Variants in CSMD1 observed in about 807,000 individuals in gnomAD.
CSMD1 encodes the protein CUB and sushi domain-containing protein 1.
CSMD1 carries 213 observed loss-of-function variants against 417.5 expected under a neutral mutation model. That is an observed-to-expected ratio of 0.51 (90% CI 0.46 to 0.57). The LOEUF is 0.57. Ranked by LOEUF, CSMD1 falls within the 20% of genes least tolerant of loss-of-function variation. CSMD1 has a pLI of 0.00. For synonymous variants in CSMD1, 2,862 were observed against 1,736.8 expected (o/e 1.65, Z -16.11); for missense variants, 6,923 against 4,529.7 (o/e 1.53, Z -15.17).
intron 54 of CSMD1, among the ~76,000 whole-genome samples, chr8:2,993,474 A>C (rs1480493438): frequency 6.6e-6 from 1 of 152,222 alleles, no homozygotes; most frequent in Non-Finnish European, 1.5e-5. Context: ...AGGCAGAGGC[A>C]AAGCACAGCC....
At chr8:4,846,797 G>A (rs768957478) in intron 1 of CSMD1, among the ~76,000 whole-genome samples, 9 of 152,142 alleles carry the variant, frequency 5.9e-5, no homozygotes, top group Non-Finnish European at 8.8e-5. Context: ...AAATTAGACA[G>A]CAAATGTGTT....
At chr8:3,628,614 G>T (rs1056734236) in intron 7 of CSMD1, among the ~76,000 whole-genome samples, 4 of 152,154 alleles carry the variant, frequency 2.6e-5, no homozygotes, top group African/African-American at 9.7e-5. Context: ...GGAAGAGGGA[G>T]TGTCTCAGAG....
intron 26 of CSMD1, among the ~76,000 whole-genome samples, chr8:3,280,312 C>T (rs1802633492): frequency 2.0e-5 from 3 of 152,146 alleles, no homozygotes; most frequent in Admixed American, 2.0e-4. Flanking sequence ...ATCCTCATTT[C>T]ATAAATAAAG....
intron 50 of CSMD1, among the ~76,000 whole-genome samples, chr8:3,034,617 A>C (rs2128979660): frequency 6.6e-6 from 1 of 152,310 alleles, no homozygotes; most frequent in East Asian, 1.9e-4. Flanking sequence ...CATAAATGCA[A>C]AAGGTTATAA....
At chr8:4,193,548 A>C (rs1799158483) in intron 3 of CSMD1, among the ~76,000 whole-genome samples, 1 of 152,100 alleles carries the variant, frequency 6.6e-6, no homozygotes, top group Admixed American at 6.5e-5. Context: ...GGTCTGAGTC[A>C]CAAGAGGCTG....
intron 3 of CSMD1, among the ~76,000 whole-genome samples, chr8:4,097,571 G>C (rs564986547): frequency 3.3e-5 from 5 of 152,298 alleles, no homozygotes; most frequent in African/African-American, 1.2e-4. Context: ...ACTCAGTGCA[G>C]TATGATTCTA....
chr8:3,299,854 C>T (rs1036811291), intron 25 of CSMD1, among the ~76,000 whole-genome samples: 3 of 152,144 alleles, frequency 2.0e-5, no homozygotes, highest in Non-Finnish European at 2.9e-5. Context: ...TGTCCAGTTT[C>T]AGAGAGAATG....
At chr8:3,129,727 G>A (rs1205368864) in intron 41 of CSMD1, among the ~76,000 whole-genome samples, 1 of 151,970 alleles carries the variant, frequency 6.6e-6, no homozygotes, top group African/African-American at 2.4e-5. Flanking sequence ...GGTGGCTCAT[G>A]TTTGTAATCC....
At position 3,367,241 on chromosome 8, in the gene CSMD1, T is replaced by C; in HGVS notation, c.2906A>G (p.Gln969Arg). 1 of 1,609,404 alleles carries C rather than the reference T, an allele frequency of 6.2e-7. No individual in the cohort carries two copies. Among genetic ancestry groups the C allele is most frequent in the Non-Finnish European group, 8.5e-7 (1 of 1,177,570 alleles). ...TIEVSHGKGV[Q>R]MIFHTFHLES... The stretch of plus-strand genomic sequence containing the variant: ...AAGATGAAAGGTGTGAAAGATCATT[T>C]GAACTCCTGAGAAATGAAGCCGGGG... The change falls in exon 20 of 70, where the codon CAA (glutamine) becomes CGA (arginine). Residue 969 changes from glutamine to arginine, a missense_variant. Physicochemically the swap from Gln to Arg is conservative, Grantham distance 43 (BLOSUM62 1). Transcript: ENST00000635120.
At chr8:3,848,806 G>A (rs954500105) in intron 5 of CSMD1, among the ~76,000 whole-genome samples, 7 of 151,798 alleles carry the variant, frequency 4.6e-5, no homozygotes, top group Admixed American at 1.3e-4. Context: ...GATTAGCAGC[G>A]ATTTTAAAGA....
At chr8:4,200,775 T>C (rs1799600583) in intron 3 of CSMD1, among the ~76,000 whole-genome samples, 1 of 152,140 alleles carries the variant, frequency 6.6e-6, no homozygotes, top group Non-Finnish European at 1.5e-5. Context: ...GATGGGAGGA[T>C]TTGTTAATGG....
At chr8:4,729,971 A>G (rs1809736554) in intron 1 of CSMD1, among the ~76,000 whole-genome samples, 1 of 152,162 alleles carries the variant, frequency 6.6e-6, no homozygotes, top group Non-Finnish European at 1.5e-5. Flanking sequence ...TAAACACGGG[A>G]CAAATCACTT....
chr8:4,363,442 T>A (rs1016565388), intron 3 of CSMD1, among the ~76,000 whole-genome samples: 2 of 152,196 alleles, frequency 1.3e-5, no homozygotes, highest in African/African-American at 4.8e-5. Context: ...TCCCCTCATT[T>A]AGGGTCTTTC....
intron 1 of CSMD1, among the ~76,000 whole-genome samples, chr8:4,928,535 C>T (rs941650772): frequency 6.6e-6 from 1 of 152,172 alleles, no homozygotes; most frequent in Non-Finnish European, 1.5e-5. Context: ...AGCTTCTTCT[C>T]TCTGAAATAA....
intron 1 of CSMD1, among the ~76,000 whole-genome samples, chr8:4,762,407 T>A (rs1397007340): frequency 6.6e-6 from 1 of 152,184 alleles, no homozygotes; most frequent in South Asian, 2.1e-4. Flanking sequence ...TCTGAGCTAT[T>A]ACATATATTT....
intron 25 of CSMD1, among the ~76,000 whole-genome samples, chr8:3,287,172 C>T (rs912802071): frequency 4.1e-5 from 6 of 145,308 alleles, no homozygotes; most frequent in Non-Finnish European, 7.6e-5. Flanking sequence ...TGTTCTGTTC[C>T]ATTGGTCTCT....
chr8:4,147,169 T>C (rs563987877), intron 3 of CSMD1, among the ~76,000 whole-genome samples: 191 of 151,878 alleles, frequency 1.3e-3, no homozygotes, highest in African/African-American at 4.3e-3. Flanking sequence ...TCTCCCCCCC[T>C]GCCCCCACCA....
intron 7 of CSMD1, among the ~76,000 whole-genome samples, chr8:3,619,574 C>A (rs1802316820): frequency 6.6e-6 from 1 of 152,014 alleles, no homozygotes; most frequent in East Asian, 1.9e-4. Flanking sequence ...TGAGGAAAGA[C>A]ATAGATGTAC....
chr8:3,554,938 G>A (rs1474016638), intron 10 of CSMD1, among the ~76,000 whole-genome samples: 5 of 152,052 alleles, frequency 3.3e-5, no homozygotes, highest in Non-Finnish European at 7.3e-5. Context: ...GGGCAAGTGG[G>A]TCAGGGGTGT....
Sources: gnomAD v4.1 joint callset for allele counts (sites outside exome capture counted in the v4.1 genomes callset) on GRCh38, gnomAD v4.1.1 for gene constraint, MANE v1.5 for transcripts, NCBI Gene and HGNC (gene_info 2026-07-23, HGNC 2026-07-21) for gene names.